The following SLC25A13 variants were observed in gnomAD, a reference collection of about 807,000 sequenced individuals.
The protein encoded by SLC25A13 is solute carrier family 25 member 13, also known as electrogenic aspartate/glutamate antiporter SLC25A13, mitochondrial.
In SLC25A13, 70 loss-of-function variants were observed where a neutral mutation model predicts 85.5. The ratio of observed to expected loss-of-function variants is 0.82; its 90% CI spans 0.68 to 1.00. The LOEUF is 1.00. Among genes scored for constraint, SLC25A13 ranks in the 50% least tolerant of loss-of-function variants. SLC25A13 has a pLI of 0.00. For synonymous variants in SLC25A13, 259 were observed against 288.7 expected, an observed-to-expected ratio of 0.90 and a Z score of 1.04; for missense variants, 765 against 819.8, an observed-to-expected ratio of 0.93 and a Z score of 0.82.
chr7:96,192,682 CTAT>C (rs757253302), intron 6 of SLC25A13, among the ~76,000 whole-genome samples: 17 of 56,664 alleles, frequency 3.0e-4, no homozygotes, highest in Admixed American at 5.4e-4. Flanking sequence ...TACATGTGCA[CTAT>C]TTTTTTTTTT....
At chr7:96,180,795 A>T (rs1794391006) in intron 11 of SLC25A13, among the ~76,000 whole-genome samples, 1 of 152,232 alleles carries the variant, frequency 6.6e-6, no homozygotes. Flanking sequence ...ATTATGGATG[A>T]TTACCCAATC....
chr7:96,120,379 T>G lies in SLC25A13; in HGVS notation c.*812A>C, dbSNP rs1791449664. ...CAAGTGGGTACCAATGATGGGGAGA[T>G]GAGGAGAATAGGGCAGGCAGCAACA... On this transcript the variant is annotated 3_prime_UTR_variant, in exon 18 of 18. Coordinates refer to ENST00000265631, the MANE Select transcript of SLC25A13 (RefSeq NM_014251.3). 2.2e-6 allele frequency: 1 copy of G among 453,940 alleles called. No individual in the cohort carries two copies. The highest frequency in any genetic ancestry group is 2.0e-5 in the African/African-American group (1 of 49,972). The allele number at this position is 453,940 out of a possible 1,614,324, so 28.1% of individuals were successfully genotyped here.
chr7:96,187,365 T>A (rs1458533879), intron 9 of SLC25A13, among the ~76,000 whole-genome samples: 1 of 152,196 alleles, frequency 6.6e-6, no homozygotes, highest in African/African-American at 2.4e-5. Context: ...TGGAATCTCC[T>A]TCAAAGTCAC....
intron 14 of SLC25A13, among the ~76,000 whole-genome samples, chr7:96,134,388 C>T (rs888078903): frequency 2.0e-5 from 3 of 151,604 alleles, no homozygotes; most frequent in Non-Finnish European, 4.4e-5. Context: ...TGTAACAAAA[C>T]GTAGGAGGAA....
chr7:96,153,607 G>C (rs554531235), intron 13 of SLC25A13, among the ~76,000 whole-genome samples: 1 of 152,350 alleles, frequency 6.6e-6, no homozygotes, highest in Non-Finnish European at 1.5e-5. Flanking sequence ...AAGAGTCACT[G>C]TGTGCACCCA....
intron 5 of SLC25A13, among the ~76,000 whole-genome samples, chr7:96,194,442 C>CAAAAAAAAAAAAA (rs546248549): frequency 0.025 from 694 of 27,674 alleles, 132 homozygotes; most frequent in East Asian, 0.05. Context: ...AACCTTGTCT[C>CAAAAAAAAAAAAA]AAAAAAAAAA....
chr7:96,165,007 A>G (rs1793686720), intron 13 of SLC25A13, among the ~76,000 whole-genome samples: 4 of 152,166 alleles, frequency 2.6e-5, no homozygotes, highest in Non-Finnish European at 5.9e-5. Context: ...GAAGATTGAC[A>G]AGATCACTTT....
Position 96,295,753 on chromosome 7 carries a change from A to G in SLC25A13, c.69+1145T>C, listed in dbSNP as rs117090376. On this transcript the variant is annotated intron_variant, in intron 2 of 17. Coordinates refer to ENST00000265631, the MANE Select transcript of SLC25A13 (RefSeq NM_014251.3). ...TCTACACCATATTCAGTACACATCA[A>G]ATTTCTCATTTGACACCCTGGTCCT... 4.8e-3 allele frequency among the ~76,000 whole-genome samples: 723 copies of G among 152,066 alleles called. 5 individuals are homozygous for G. Among genetic ancestry groups the G allele is most frequent in the South Asian group, 0.027 (130 of 4,810 alleles).
chr7:96,227,723 G>A (rs1325262324), intron 4 of SLC25A13, among the ~76,000 whole-genome samples: 4 of 152,096 alleles, frequency 2.6e-5, no homozygotes, highest in African/African-American at 9.7e-5. Flanking sequence ...AGAGGGCCAG[G>A]GAAGAATCTT....
At chr7:96,306,130 C>T (rs1010249610) in intron 1 of SLC25A13, among the ~76,000 whole-genome samples, 3 of 152,174 alleles carry the variant, frequency 2.0e-5, no homozygotes, top group African/African-American at 4.8e-5. Context: ...GAGTAACTTC[C>T]CCAAGTCACA....
chr7:96,209,073 A>G, intron 4 of SLC25A13, 96 bp from the exon 5 acceptor site: 1 of 1,259,508 alleles, frequency 7.9e-7, no homozygotes, highest in Non-Finnish European at 1.1e-6. Context: ...TCTTATTAAA[A>G]AAAGTAATTC....
chr7:96,146,178 T>C (rs1792780287), intron 14 of SLC25A13, among the ~76,000 whole-genome samples: 1 of 152,176 alleles, frequency 6.6e-6, no homozygotes, highest in Non-Finnish European at 1.5e-5. Flanking sequence ...AGAGAAAACA[T>C]GGATCGGACC....
chr7:96,293,032 C>T (rs1799188249), intron 2 of SLC25A13, among the ~76,000 whole-genome samples: 1 of 152,206 alleles, frequency 6.6e-6, no homozygotes, highest in African/African-American at 2.4e-5. Flanking sequence ...TCAAACTATA[C>T]TACAAAGCTA....
chr7:96,247,024 A>T (rs1318857030), intron 3 of SLC25A13, among the ~76,000 whole-genome samples: 1 of 152,230 alleles, frequency 6.6e-6, no homozygotes, highest in African/African-American at 2.4e-5. Flanking sequence ...ATTTACTTCT[A>T]TTATGACCAT....
At chr7:96,258,794 A>G (rs1354053891) in intron 3 of SLC25A13, among the ~76,000 whole-genome samples, 1 of 152,216 alleles carries the variant, frequency 6.6e-6, no homozygotes, top group Non-Finnish European at 1.5e-5. Flanking sequence ...TGGAGGCATC[A>G]TGCTACCTGA....
chr7:96,288,491 G>A (rs1036516404), intron 2 of SLC25A13, among the ~76,000 whole-genome samples: 8 of 152,188 alleles, frequency 5.3e-5, no homozygotes, highest in Non-Finnish European at 8.8e-5. Flanking sequence ...CCCAGGAAGC[G>A]CAAGGGGTCA....
At chr7:96,128,303 A>T (rs575439847) in intron 15 of SLC25A13, among the ~76,000 whole-genome samples, 1 of 152,284 alleles carries the variant, frequency 6.6e-6, no homozygotes, top group South Asian at 2.1e-4. Flanking sequence ...TTATTTTACC[A>T]TGCTGACTGG....
intron 4 of SLC25A13, among the ~76,000 whole-genome samples, chr7:96,214,221 T>C (rs1795802396): frequency 6.6e-6 from 1 of 152,192 alleles, no homozygotes; most frequent in African/African-American, 2.4e-5. Context: ...AGTTAGTAAG[T>C]TTCCCAGGCT....
At chr7:96,232,612 A>T (rs565863533) in intron 4 of SLC25A13, among the ~76,000 whole-genome samples, 50 of 150,472 alleles carry the variant, frequency 3.3e-4, no homozygotes, top group Middle Eastern at 3.4e-3. Context: ...AAAAATTTAA[A>T]AAAATTTTAA....
Sources: allele counts gnomAD v4.1 joint callset (sites outside exome capture counted in the v4.1 genomes callset), GRCh38; gene constraint gnomAD v4.1.1; transcripts MANE v1.5; gene names NCBI Gene and HGNC (gene_info 2026-07-23, HGNC 2026-07-21).